The following EPHA7 variants were observed in gnomAD, a reference collection of about 807,000 sequenced individuals.
EPHA7 encodes EPH receptor A7.
In EPHA7, 25 loss-of-function variants were observed where a neutral mutation model predicts 112.6. The observed-to-expected ratio is 0.22, with a 90% confidence interval of 0.16 to 0.31. EPHA7 has a LOEUF of 0.31. EPHA7 is among the 10% of genes least tolerant of loss of function. EPHA7 has a pLI of 1.00. For synonymous variants in EPHA7, 437 were observed against 406.5 expected (o/e 1.07, Z -0.90); for missense variants, 962 against 1,212.6 (o/e 0.79, Z 3.07).
chr6:93,413,529 C>T (rs1282580204), intron 2 of EPHA7, among the ~76,000 whole-genome samples: 2 of 151,748 alleles, frequency 1.3e-5, no homozygotes, highest in African/African-American at 2.4e-5. Context: ...GAATGGCTGT[C>T]TATAATGTAT....
At chr6:93,389,603 T>A (rs1247757611) in intron 3 of EPHA7, among the ~76,000 whole-genome samples, 2 of 152,060 alleles carry the variant, frequency 1.3e-5, no homozygotes, top group Non-Finnish European at 2.9e-5. Context: ...TATCATTAAA[T>A]TCTTGTCAGA....
At chr6:93,368,867 C>G (rs1025082163) in intron 3 of EPHA7, among the ~76,000 whole-genome samples, 2 of 152,140 alleles carry the variant, frequency 1.3e-5, no homozygotes, top group African/African-American at 2.4e-5. Flanking sequence ...TGGATCAATA[C>G]TAAGTCTTGT....
chr6:93,357,174 G>T (rs1390657719), intron 4 of EPHA7, 122 bp from the exon 5 acceptor site: 3 of 695,110 alleles, frequency 4.3e-6, no homozygotes, highest in Non-Finnish European at 7.0e-6. Flanking sequence ...AAGAGAAAAC[G>T]AGTTGAAATG....
intron 3 of EPHA7, among the ~76,000 whole-genome samples, chr6:93,369,541 A>G (rs1776682190): frequency 6.6e-6 from 1 of 152,194 alleles, no homozygotes. Context: ...TCCATTCTTC[A>G]TGAATCAGTT....
chr6:93,400,794 T>A (rs1348727433), intron 3 of EPHA7, among the ~76,000 whole-genome samples: 1 of 152,034 alleles, frequency 6.6e-6, no homozygotes, highest in African/African-American at 2.4e-5. Context: ...TACCTTAGCC[T>A]CCCAAACTGC....
intron 5 of EPHA7, among the ~76,000 whole-genome samples, chr6:93,346,866 TTACTC>T (rs1310223744): frequency 6.6e-6 from 1 of 151,842 alleles, no homozygotes; most frequent in Non-Finnish European, 1.5e-5. Flanking sequence ...ACAAACTTCT[TTACTC>T]TAAAGTGGCT....
At chr6:93,275,525 CAAAT>C (rs1771429485) in intron 5 of EPHA7, among the ~76,000 whole-genome samples, 1 of 151,932 alleles carries the variant, frequency 6.6e-6, no homozygotes, top group South Asian at 2.1e-4. Context: ...TAAGATATAA[CAAAT>C]AAATAAAATA....
intron 3 of EPHA7, among the ~76,000 whole-genome samples, chr6:93,402,110 A>T (rs955078205): frequency 2.0e-5 from 3 of 152,020 alleles, no homozygotes; most frequent in Admixed American, 6.6e-5. Flanking sequence ...AACACTCTGA[A>T]GTCACACTAA....
At chr6:93,342,006 G>A (rs1216991257) in intron 5 of EPHA7, among the ~76,000 whole-genome samples, 2 of 151,726 alleles carry the variant, frequency 1.3e-5, no homozygotes, top group Admixed American at 1.3e-4. Context: ...ACCCACTCAA[G>A]CACACATAAT....
chr6:93,294,783 T>G (rs1772567228), intron 5 of EPHA7, among the ~76,000 whole-genome samples: 1 of 152,074 alleles, frequency 6.6e-6, no homozygotes, highest in African/African-American at 2.4e-5. Flanking sequence ...TAGATTCACA[T>G]ATGGCATTGA....
At chr6:93,249,392 A>G (rs1295777820) in intron 14 of EPHA7, among the ~76,000 whole-genome samples, 2 of 152,306 alleles carry the variant, frequency 1.3e-5, no homozygotes, top group South Asian at 2.1e-4. Context: ...ATGTGAATAA[A>G]AGTAAAAGTA....
At chr6:93,347,119 T>C (rs946494813) in intron 5 of EPHA7, among the ~76,000 whole-genome samples, 14 of 151,842 alleles carry the variant, frequency 9.2e-5, no homozygotes, top group African/African-American at 2.9e-4. Context: ...CTCCAAAATA[T>C]AGAGCTATAA....
Position 93,262,576 on chromosome 6 carries a change from A to C in EPHA7, c.1798+1284T>G, listed in dbSNP as rs547325985. Among the ~76,000 whole-genome samples the C allele has an allele frequency of 7.3e-5, 11 of 151,558 alleles. No homozygotes were observed. In the South Asian group the frequency reaches 2.3e-3, roughly 31 times the overall value. On this transcript the variant is annotated intron_variant, in intron 9 of 16. Transcript: ENST00000369303. ...GCCTTGAATATTAAACTTTATAATA[A>C]AGCCACTTCCGGGCATACATTTAAC...
At chr6:93,306,414 T>C (rs1239988298) in intron 5 of EPHA7, among the ~76,000 whole-genome samples, 1 of 152,012 alleles carries the variant, frequency 6.6e-6, no homozygotes, top group Non-Finnish European at 1.5e-5. Context: ...AATATCCAAA[T>C]GGATTAATTA....
intron 5 of EPHA7, among the ~76,000 whole-genome samples, chr6:93,309,706 T>G: frequency 6.6e-6 from 1 of 152,260 alleles, no homozygotes; most frequent in Non-Finnish European, 1.5e-5. Flanking sequence ...TAAAATATTT[T>G]ATCATAAAAC....
At chr6:93,297,015 T>C (rs1449479189) in intron 5 of EPHA7, among the ~76,000 whole-genome samples, 1 of 151,908 alleles carries the variant, frequency 6.6e-6, no homozygotes, top group Non-Finnish European at 1.5e-5. Flanking sequence ...TTCACTATAG[T>C]AATCATTTTA....
intron 3 of EPHA7, among the ~76,000 whole-genome samples, chr6:93,399,830 T>G (rs1778353155): frequency 6.6e-6 from 1 of 152,050 alleles, no homozygotes; most frequent in African/African-American, 2.4e-5. Context: ...AATCTGTCAT[T>G]AATGAACTGT....
At chr6:93,366,230 A>G (rs978735654) in intron 3 of EPHA7, among the ~76,000 whole-genome samples, 1 of 152,210 alleles carries the variant, frequency 6.6e-6, no homozygotes, top group African/African-American at 2.4e-5. Flanking sequence ...TGAAGAGGTA[A>G]TATGATACAG....
intron 14 of EPHA7, among the ~76,000 whole-genome samples, chr6:93,252,611 T>A (rs1215531769): frequency 2.6e-5 from 4 of 151,920 alleles, no homozygotes; most frequent in Admixed American, 1.3e-4. Flanking sequence ...CTGATTTTTC[T>A]CCATTTGCAT....
Sources: allele counts gnomAD v4.1 joint callset (sites outside exome capture counted in the v4.1 genomes callset), GRCh38; gene constraint gnomAD v4.1.1; transcripts MANE v1.5; gene names NCBI Gene and HGNC (gene_info 2026-07-23, HGNC 2026-07-21).